Variants in VWDE observed in about 807,000 individuals in gnomAD.
VWDE encodes von Willebrand factor D and EGF domains.
VWDE carries 207 observed loss-of-function variants against 178.4 expected under a neutral mutation model. That is an observed-to-expected ratio of 1.16 (90% CI 1.04 to 1.30). VWDE has a LOEUF of 1.30. Ranked by LOEUF, VWDE falls within the 50% of genes most tolerant of loss-of-function variation. The pLI is 0.00. For synonymous variants in VWDE, 738 were observed against 651.4 expected, an observed-to-expected ratio of 1.13 and a Z score of -2.02; for missense variants, 2,287 against 1,901.3, an observed-to-expected ratio of 1.20 and a Z score of -3.77.
At chr7:12,337,360 G>T in intron 24 of VWDE, 88 bp from the exon 25 acceptor site, 1 of 1,103,190 alleles carries the variant, frequency 9.1e-7, no homozygotes, top group Non-Finnish European at 1.3e-6. Flanking sequence ...TCATCAATGA[G>T]GACATAAGGC....
In VWDE at chr7:12,356,308, C is replaced by T. The variant is rs559077727; in HGVS notation, c.3548G>A (p.Cys1183Tyr). ...AGATACACATGATCCACCATTCAAG[C>T]AATCACAAGACTTCACAGTCACCTA... ...TIEVTVKSCD[C>Y]LNGGSCVSDR... is the part of the protein sequence containing the mutation. Residue 1183 changes from cysteine to tyrosine, a missense_variant, in exon 18 of 29, where the codon TGC (cysteine) becomes TAC (tyrosine). Coordinates refer to ENST00000275358, the MANE Select transcript of VWDE (RefSeq NM_001135924.3). 25 of 1,550,982 alleles carry T rather than the reference C, an allele frequency of 1.6e-5. No individual in the cohort carries two copies. The South Asian group carries it at 2.5e-4, about 16-fold the overall frequency.
At chr7:12,341,469 T>C (rs1781325270) in intron 23 of VWDE, among the ~76,000 whole-genome samples, 1 of 151,904 alleles carries the variant, frequency 6.6e-6, no homozygotes, top group Non-Finnish European at 1.5e-5. Context: ...CCGTCTCTAC[T>C]AAAAATACAA....
intron 19 of VWDE, among the ~76,000 whole-genome samples, chr7:12,346,684 C>A (rs1235450602): frequency 2.0e-5 from 3 of 151,930 alleles, no homozygotes; most frequent in Non-Finnish European, 4.4e-5. Context: ...CACTTTTTTA[C>A]TTCTTTGGTA....
chr7:12,379,234 T>C (rs2128558028), intron 6 of VWDE, among the ~76,000 whole-genome samples: 1 of 152,330 alleles, frequency 6.6e-6, no homozygotes. Context: ...ACCTTCTGCT[T>C]TACTCTAATT....
chr7:12,346,607 T>C, intron 19 of VWDE, among the ~76,000 whole-genome samples: 1 of 150,232 alleles, frequency 6.7e-6, no homozygotes, highest in Non-Finnish European at 1.5e-5. Flanking sequence ...TTTTTACACA[T>C]CTTTTTGGCG....
In VWDE at chr7:12,331,206, G is replaced by A. The variant is rs958214405; in HGVS notation, c.4759-9C>T. The A allele has an allele frequency of 6.5e-7, 1 of 1,539,110 alleles. No homozygotes were observed. Among genetic ancestry groups the A allele is most frequent in the African/African-American group, 1.4e-5 (1 of 72,556 alleles). Reference sequence around the variant, plus strand: ...ACTCAATGGCGTCTTATCTGTAGTAGGAAGAAGGAAATTGTGTTTCAATGA... The same window carrying A: ...ACTCAATGGCGTCTTATCTGTAGTAAGAAGAAGGAAATTGTGTTTCAATGA... On this transcript the variant is annotated splice_polypyrimidine_tract_variant and intron_variant, in intron 28 of 28. Coordinates refer to ENST00000275358, the MANE Select transcript of VWDE (RefSeq NM_001135924.3).
chr7:12,364,394 G>A (rs1583308256), intron 13 of VWDE, among the ~76,000 whole-genome samples: 1 of 152,020 alleles, frequency 6.6e-6, no homozygotes, highest in South Asian at 2.1e-4. Context: ...GTTGGGGTAG[G>A]AAAAATATGA....
chr7:12,343,577 C>T (rs913853307), intron 21 of VWDE, among the ~76,000 whole-genome samples: 3 of 152,096 alleles, frequency 2.0e-5, no homozygotes, highest in Non-Finnish European at 2.9e-5. Flanking sequence ...TTGTAGCTTG[C>T]TTTGCCATAA....
intron 7 of VWDE, among the ~76,000 whole-genome samples, chr7:12,376,360 T>C (rs1237131112): frequency 1.3e-5 from 2 of 152,080 alleles, no homozygotes; most frequent in Admixed American, 6.6e-5. Flanking sequence ...GAGGACAAGA[T>C]GAGGGGTATC....
chr7:12,400,712 A>G (rs1784856944), intron 1 of VWDE, among the ~76,000 whole-genome samples: 1 of 152,134 alleles, frequency 6.6e-6, no homozygotes, highest in Non-Finnish European at 1.5e-5. Context: ...GCCCGGTATT[A>G]TAGCCCATTA....
chr7:12,403,628 C>T (rs1182739376), intron 1 of VWDE, 31 bp downstream of exon 1: 3 of 1,530,096 alleles, frequency 2.0e-6, no homozygotes, highest in African/African-American at 2.7e-5. Flanking sequence ...CGCCACTGCG[C>T]GCCCACCCCC....
chr7:12,374,610 A>G (rs1783405503), intron 9 of VWDE, 79 bp downstream of exon 9: 1 of 1,051,968 alleles, frequency 9.5e-7, no homozygotes, highest in Admixed American at 3.0e-5. Context: ...AAAAATTATA[A>G]AACAATACAC....
chr7:12,331,323 A>G, intron 28 of VWDE, 126 bp from the exon 29 acceptor site: 1 of 693,258 alleles, frequency 1.4e-6, no homozygotes, highest in Non-Finnish European at 2.3e-6. Context: ...GTTTGCCACT[A>G]GACTCAATAC....
chr7:12,344,930 G>A (rs971221868), intron 19 of VWDE, among the ~76,000 whole-genome samples: 2 of 152,004 alleles, frequency 1.3e-5, no homozygotes, highest in East Asian at 3.9e-4. Context: ...AAAGAATACA[G>A]ACCACAATGT....
intron 15 of VWDE, among the ~76,000 whole-genome samples, chr7:12,359,959 GA>G (rs1782483125): frequency 6.6e-6 from 1 of 152,072 alleles, no homozygotes; most frequent in South Asian, 2.1e-4. Flanking sequence ...TAACATGGGA[GA>G]AAATCTCTCT....
rs1782703383 is a variant in VWDE, at chr7:12,363,720, G to T, written c.2899-2199C>A. On this transcript the variant is annotated intron_variant, in intron 13 of 28. Coordinates refer to ENST00000275358, the MANE Select transcript of VWDE (RefSeq NM_001135924.3). ...AGCAGATGACAGGGATGACAAGAAA[G>T]TAACAATTCTATGTGCATACCTTTG... Among the ~76,000 whole-genome samples the T allele has an allele frequency of 2.6e-5, 4 of 152,036 alleles. No homozygotes were observed. The South Asian group carries it at 8.3e-4, about 32-fold the overall frequency.
At chr7:12,377,705 T>G (rs1783612518) in intron 7 of VWDE, 71 bp downstream of exon 7, 1 of 1,069,412 alleles carries the variant, frequency 9.4e-7, no homozygotes, top group Admixed American at 3.6e-5. Context: ...CTCCAGTGAC[T>G]TTTCCTACAG....
Position 12,403,754 on chromosome 7 carries a change from C to T in VWDE, c.-38G>A, listed in dbSNP as rs950578487. ...AGGTGGGGCGAAAGGCGTCGCAGAGCCCGGGCCGCGGGTGCCAGGAGGATG... is the reference window on the plus strand; with the variant it reads ...AGGTGGGGCGAAAGGCGTCGCAGAGTCCGGGCCGCGGGTGCCAGGAGGATG... On this transcript the variant is annotated 5_prime_UTR_variant, in exon 1 of 29. Coordinates refer to ENST00000275358, the MANE Select transcript of VWDE (RefSeq NM_001135924.3). 9.7e-6 allele frequency: 15 copies of T among 1,548,464 alleles called. No homozygotes were observed. The African/African-American group carries it at 1.6e-4, about 17-fold the overall frequency.
intron 16 of VWDE, among the ~76,000 whole-genome samples, chr7:12,357,786 A>C (rs1237606026): frequency 6.6e-6 from 1 of 152,016 alleles, no homozygotes; most frequent in Non-Finnish European, 1.5e-5. Context: ...ATACCCATGC[A>C]CTGGCCACAC....
Sources: gnomAD v4.1 joint callset for allele counts (sites outside exome capture counted in the v4.1 genomes callset) on GRCh38, gnomAD v4.1.1 for gene constraint, MANE v1.5 for transcripts, NCBI Gene and HGNC (gene_info 2026-07-23, HGNC 2026-07-21) for gene names.